The following CCDC144A variants were observed in gnomAD, a reference collection of about 807,000 sequenced individuals.
CCDC144A encodes coiled-coil domain containing 144A.
In CCDC144A, 41 loss-of-function variants were observed where a neutral mutation model predicts 143.8. The observed-to-expected ratio is 0.29, with a 90% CI of 0.22 to 0.37. CCDC144A has a LOEUF of 0.37. Among genes scored for constraint, CCDC144A ranks in the 10% least tolerant of loss-of-function variants. The probability of loss-of-function intolerance (pLI) is 1.00; values close to 1 mark genes in which losing one functional copy is unlikely to be tolerated. For synonymous variants in CCDC144A, 242 were observed against 517.9 expected, an observed-to-expected ratio of 0.47 and a Z score of 7.23; for missense variants, 637 against 1,488.8, an observed-to-expected ratio of 0.43 and a Z score of 9.41.
At chr17:16,719,877 A>G (rs1912987250) in intron 6 of CCDC144A, among the ~76,000 whole-genome samples, 2 of 152,208 alleles carry the variant, frequency 1.3e-5, no homozygotes, top group African/African-American at 4.8e-5. Flanking sequence ...TGGTATATTT[A>G]TTTTTATCAC....
At chr17:16,725,604 A>G (rs1007185764) in intron 8 of CCDC144A, among the ~76,000 whole-genome samples, 2 of 152,096 alleles carry the variant, frequency 1.3e-5, no homozygotes, top group Non-Finnish European at 2.9e-5. Flanking sequence ...AAATGATACA[A>G]TGGAGGTTGG....
chr17:16,770,668 T>C (rs55861650), intron 15 of CCDC144A, among the ~76,000 whole-genome samples: 28,903 of 149,530 alleles, frequency 0.19, 1,042 homozygotes, highest in Non-Finnish European at 0.24. Flanking sequence ...TTTAAGTAAA[T>C]CTCTTTTTTT....
intron 16 of CCDC144A, 126 bp from the exon 17 acceptor site, chr17:16,773,371 C>G (rs1267062999): frequency 8.4e-6 from 11 of 1,301,962 alleles, no homozygotes; most frequent in Non-Finnish European, 1.1e-5. Context: ...TTGCTTAAGC[C>G]TGGGAGGACA....
rs766062899 is a variant in CCDC144A, at chr17:16,709,296, T to C, written c.1239T>C (p.His413=). The C allele has an allele frequency of 3.7e-6, 6 of 1,611,650 alleles. No homozygotes were observed. ...ATGATAACAAACCAGGCATTGGACA[T>C]ATTTTTAGTACAGATAAGAACTTTC... ...CDNDNKPGIG[H]IFSTDKNFHN... The change falls in exon 5 of 17, where the codon CAT becomes CAC. Residue 413 remains histidine, a synonymous_variant. Coordinates refer to ENST00000399273, the MANE Select transcript of CCDC144A (RefSeq NM_001382000.1).
chr17:16,714,414 C>A (rs1912623998), intron 6 of CCDC144A, among the ~76,000 whole-genome samples: 1 of 152,118 alleles, frequency 6.6e-6, no homozygotes, highest in South Asian at 2.1e-4. Context: ...TCATACCTAC[C>A]CCTCACATGG....
chr17:16,690,173 A>G (rs550943073), upstream of CCDC144A: 29 of 376,646 alleles, frequency 7.7e-5, no homozygotes, highest in African/African-American at 5.4e-4. Context: ...CAGTGAAGTC[A>G]CAGGTTCCGT....
chr17:16,724,074 C>A (rs958482521), intron 8 of CCDC144A, among the ~76,000 whole-genome samples: 14 of 151,828 alleles, frequency 9.2e-5, no homozygotes, highest in African/African-American at 3.4e-4. Context: ...TCTCTAATTT[C>A]TCTTTGCATC....
chr17:16,741,447 TG>T (rs1375958887), intron 12 of CCDC144A, among the ~76,000 whole-genome samples: 1 of 152,214 alleles, frequency 6.6e-6, no homozygotes, highest in Non-Finnish European at 1.5e-5. Context: ...CCTCACAGCA[TG>T]GGGGCTGGGG....
At chr17:16,722,215 T>C (rs1268784926) in intron 8 of CCDC144A, among the ~76,000 whole-genome samples, 2 of 152,170 alleles carry the variant, frequency 1.3e-5, no homozygotes, top group African/African-American at 4.8e-5. Flanking sequence ...GTTCTTTTAG[T>C]TTTTTAATGT....
At chr17:16,768,526 G>C (rs915097916) in intron 15 of CCDC144A, among the ~76,000 whole-genome samples, 1 of 152,190 alleles carries the variant, frequency 6.6e-6, no homozygotes, top group African/African-American at 2.4e-5. Flanking sequence ...CTGCCACATA[G>C]CCTTGCCACT....
intron 2 of CCDC144A, among the ~76,000 whole-genome samples, chr17:16,693,544 T>C (rs1911222366): frequency 6.6e-6 from 1 of 152,194 alleles, no homozygotes; most frequent in South Asian, 2.1e-4. Flanking sequence ...CTCGATCTCC[T>C]GACCTCATGA....
At chr17:16,728,429 A>G (rs900508270) in intron 9 of CCDC144A, among the ~76,000 whole-genome samples, 2 of 152,184 alleles carry the variant, frequency 1.3e-5, no homozygotes, top group Non-Finnish European at 2.9e-5. Context: ...GTTGAAATAT[A>G]GGAACTTTTT....
At chr17:16,749,481 T>A (rs1267725938) in intron 12 of CCDC144A, among the ~76,000 whole-genome samples, 1 of 152,232 alleles carries the variant, frequency 6.6e-6, no homozygotes, top group Non-Finnish European at 1.5e-5. Flanking sequence ...TTTTTAAAAA[T>A]TTATCATGAC....
intron 8 of CCDC144A, among the ~76,000 whole-genome samples, chr17:16,725,263 A>G (rs902905648): frequency 2.0e-5 from 3 of 151,878 alleles, no homozygotes; most frequent in Non-Finnish European, 4.4e-5. Context: ...GTGCTTATTA[A>G]TACAGTGAAA....
intron 12 of CCDC144A, among the ~76,000 whole-genome samples, chr17:16,751,075 A>AT (rs1449016728): frequency 1.8e-4 from 27 of 152,298 alleles, no homozygotes; most frequent in African/African-American, 6.0e-4. Context: ...AGCTAGTGTG[A>AT]TTTTTTGGAG....
the CCDC144A span, among the ~76,000 whole-genome samples, chr17:16,677,474 T>C: frequency 1.3e-5 from 2 of 152,050 alleles, no homozygotes; most frequent in African/African-American, 4.8e-5. Context: ...ATTCGTGTGT[T>C]AAAATCAAAT....
intron 12 of CCDC144A, among the ~76,000 whole-genome samples, chr17:16,745,370 G>A (rs1303587810): frequency 6.6e-6 from 1 of 150,508 alleles, no homozygotes; most frequent in East Asian, 1.9e-4. Context: ...ACTGTCCAGT[G>A]GAAATCATTT....
the CCDC144A span, among the ~76,000 whole-genome samples, chr17:16,671,770 A>G: frequency 1.3e-5 from 2 of 152,140 alleles, no homozygotes; most frequent in Non-Finnish European, 2.9e-5. Flanking sequence ...ATTTTTAACA[A>G]TGAGACTATT....
rs554124920 is a variant in CCDC144A at position 16,770,561 on chromosome 17, T to C, written c.4099-1416T>C. On this transcript the variant is annotated intron_variant, in intron 15 of 16. Transcript: ENST00000399273. The stretch of plus-strand genomic sequence containing the variant: ...AAGCCCACTCCTACCTTGTAACTAA[T>C]TGGTTTTGTGACCTCAGGCAAGCTG... 2.6e-5 allele frequency among the ~76,000 whole-genome samples: 4 copies of C among 152,104 alleles called. No homozygotes were observed. The South Asian group carries it at 8.3e-4, about 32-fold the overall frequency.
Sources: allele counts gnomAD v4.1 joint callset (sites outside exome capture counted in the v4.1 genomes callset), GRCh38; gene constraint gnomAD v4.1.1; transcripts MANE v1.5; gene names NCBI Gene and HGNC (gene_info 2026-07-23, HGNC 2026-07-21).